DLG3: variants seen among roughly 807,000 people sequenced by gnomAD.
DLG3 encodes the protein disks large homolog 3.
In DLG3, 1 loss-of-function variant was observed where a neutral mutation model predicts 64.1. The observed-to-expected ratio is 0.02, with a 90% confidence interval of 0.01 to 0.07. The LOEUF (loss-of-function observed/expected upper bound fraction) is 0.07. Among genes scored for constraint, DLG3 ranks in the 10% least tolerant of loss-of-function variants. The probability of loss-of-function intolerance (pLI) is 1.00; values close to 1 mark genes in which losing one functional copy is unlikely to be tolerated. For missense variants in DLG3, 429 were observed against 669.5 expected, an observed-to-expected ratio of 0.64 and a Z score of 3.96; for synonymous variants, 245 against 259.8, an observed-to-expected ratio of 0.94 and a Z score of 0.55.
intron 9 of DLG3, among the ~76,000 whole-genome samples, chrX:70,470,858 A>G (rs984308050): frequency 1.8e-5 from 2 of 111,810 alleles, no homozygotes; most frequent in South Asian, 7.4e-4. Context: ...GTGTGTGTCC[A>G]GTTCGCAATA....
intron 10 of DLG3, among the ~76,000 whole-genome samples, chrX:70,491,439 A>G (rs891909109): frequency 3.5e-5 from 4 of 112,698 alleles, no homozygotes; most frequent in African/African-American, 1.3e-4. Context: ...CATCATTTAT[A>G]GCATGTCACA....
At chrX:70,475,983 T>C (rs1363833243) in intron 9 of DLG3, among the ~76,000 whole-genome samples, 1 of 112,078 alleles carries the variant, frequency 8.9e-6, no homozygotes, top group Non-Finnish European at 1.9e-5. Context: ...TTTATCAGAA[T>C]CACACTGATG....
In DLG3 at chrX:70,452,034, C is replaced by T. The variant is rs755784008; in HGVS notation, c.1145+8C>T. ...TGAGGAGGACTTCACCAGGTAAGAC[C>T]CCGCCCCCAACATCCCATTCAATCT... On this transcript the variant is annotated splice_region_variant and intron_variant, in intron 7 of 18. Coordinates refer to ENST00000374360, the MANE Select transcript of DLG3 (RefSeq NM_021120.4). The T allele has an allele frequency of 1.7e-6, 2 of 1,209,981 alleles. No individual in the cohort carries two copies. Among genetic ancestry groups the T allele is most frequent in the Admixed American group, 4.3e-5 (2 of 45,992 alleles).
chrX:70,445,699 G>A (rs2086559439), intron 1 of DLG3, 141 bp downstream of exon 1: 1 of 561,227 alleles, frequency 1.8e-6, no homozygotes, highest in African/African-American at 2.3e-5. Context: ...TGGGCAAAGA[G>A]AGGCGGTGGG....
intron 9 of DLG3, among the ~76,000 whole-genome samples, chrX:70,462,309 G>A (rs2086820618): frequency 2.1e-5 from 2 of 93,387 alleles, no homozygotes; most frequent in Non-Finnish European, 4.1e-5. Flanking sequence ...GAGTGCAGTG[G>A]CATGATCTCG....
chrX:70,462,552 C>A lies in DLG3; in HGVS notation c.1405+8236C>A, dbSNP rs1226331527. 3.6e-5 allele frequency among the ~76,000 whole-genome samples: 4 copies of A among 111,815 alleles called. No individual in the cohort carries two copies. In the East Asian group the frequency reaches 1.1e-3, roughly 31 times the overall value. The stretch of plus-strand genomic sequence containing the variant: ...GGATTACAGGCGCGAGCCACCATAC[C>A]CGGCCACTTGATTACTTTTTATGGC... On this transcript the variant is annotated intron_variant, in intron 9 of 18. Coordinates refer to ENST00000374360, the MANE Select transcript of DLG3 (RefSeq NM_021120.4).
In DLG3 at chrX:70,497,204, A is replaced by G. The variant is rs1379323936; in HGVS notation, c.1820-1316A>G. ...GAGGGAGTGACATCCAACACCAGTG[A>G]CAGCGAAAGCAGTTCCAGTAAGTGT... On this transcript the variant is annotated intron_variant, in intron 13 of 18. Coordinates refer to ENST00000374360, the MANE Select transcript of DLG3 (RefSeq NM_021120.4). 3.3e-6 allele frequency: 4 copies of G among 1,211,572 alleles called. No homozygotes were observed. The Admixed American group carries it at 6.5e-5, about 20-fold the overall frequency.
chrX:70,494,848 C>T (rs762702343), intron 12 of DLG3, among the ~76,000 whole-genome samples: 4 of 112,658 alleles, frequency 3.6e-5, no homozygotes, highest in Non-Finnish European at 7.5e-5. Flanking sequence ...CTACACCATG[C>T]GAAACTTTTC....
intron 10 of DLG3, among the ~76,000 whole-genome samples, chrX:70,485,848 C>A (rs2087245482): frequency 8.9e-6 from 1 of 111,780 alleles, no homozygotes; most frequent in Non-Finnish European, 1.9e-5. Context: ...GAGGACCCAG[C>A]TGAAAGGAAG....
intron 13 of DLG3, among the ~76,000 whole-genome samples, chrX:70,497,545 T>G (rs1411906273): frequency 8.9e-6 from 1 of 112,221 alleles, no homozygotes; most frequent in Non-Finnish European, 1.9e-5. Flanking sequence ...GGTTTATAGA[T>G]TTGCTCAGAG....
intron 12 of DLG3, among the ~76,000 whole-genome samples, chrX:70,495,037 T>A (rs1428772218): frequency 8.9e-6 from 1 of 111,770 alleles, no homozygotes; most frequent in African/African-American, 3.3e-5. Context: ...TCAAAGCAGG[T>A]GCTCTAAGCC....
At chrX:70,449,147 C>T (rs2086594005) in intron 2 of DLG3, among the ~76,000 whole-genome samples, 184 bp downstream of exon 2, 2 of 111,392 alleles carry the variant, frequency 1.8e-5, no homozygotes, top group Admixed American at 9.5e-5. Flanking sequence ...TATTAATTGA[C>T]CTTGCTCACT....
At position 70,454,427 on chromosome X, in the gene DLG3, T is replaced by C. The variant is rs1202754847; in HGVS notation, c.1405+111T>C. 1.1e-5 allele frequency: 7 copies of C among 640,657 alleles called. No individual in the cohort carries two copies. The East Asian group carries it at 1.8e-4, about 16-fold the overall frequency. The allele number at this position is 640,657 out of a possible 1,213,427, so 52.8% of individuals were successfully genotyped here. A position where few individuals can be genotyped will look rare whatever the true frequency, so the allele number is the denominator to read the frequency against. On this transcript the variant is annotated intron_variant, in intron 9 of 18. Coordinates refer to ENST00000374360, the MANE Select transcript of DLG3 (RefSeq NM_021120.4). Reference sequence around the variant, plus strand: ...GCCACTTGACCAGGTCCCTTCTACCTAGAGCAGTAACCTCTTCCTCTCTCC... The same window carrying C: ...GCCACTTGACCAGGTCCCTTCTACCCAGAGCAGTAACCTCTTCCTCTCTCC...
At chrX:70,479,602 C>T (rs1235769557) in intron 10 of DLG3, among the ~76,000 whole-genome samples, 3 of 111,514 alleles carry the variant, frequency 2.7e-5, no homozygotes, top group Non-Finnish European at 5.6e-5. Context: ...GGGAAACTTG[C>T]CACCCCCCCA....
chrX:70,481,783 A>G (rs752373964), intron 10 of DLG3, among the ~76,000 whole-genome samples: 21 of 111,581 alleles, frequency 1.9e-4, no homozygotes, highest in Non-Finnish European at 3.4e-4. Context: ...TGACCTCTTC[A>G]CCACATTTGT....
At chrX:70,473,998 A>C (rs1234192653) in intron 9 of DLG3, among the ~76,000 whole-genome samples, 2 of 111,965 alleles carry the variant, frequency 1.8e-5, no homozygotes, top group African/African-American at 6.5e-5. Flanking sequence ...CAGGGGAGAA[A>C]TGTTTCAGGA....
chrX:70,492,096 G>C lies in DLG3; in HGVS notation c.1521-11G>C. 8.5e-7 allele frequency: 1 copy of C among 1,171,569 alleles called. No individual in the cohort carries two copies. Among genetic ancestry groups the C allele is most frequent in the Non-Finnish European group, 1.1e-6 (1 of 875,380 alleles). The stretch of plus-strand genomic sequence containing the variant: ...TTGGATGATCACTTCATCTTTCACT[G>C]TGCCTTTCAGGGCCCTGTTTGATTA... On this transcript the variant is annotated splice_polypyrimidine_tract_variant and intron_variant, in intron 10 of 18. Transcript: ENST00000374360.
chrX:70,457,126 G>A (rs1385409472), intron 9 of DLG3, among the ~76,000 whole-genome samples: 1 of 111,981 alleles, frequency 8.9e-6, no homozygotes, highest in Non-Finnish European at 1.9e-5. Flanking sequence ...ACTTGTCTAA[G>A]AAGGGAAAGT....
At position 70,499,294 on chromosome X, in the gene DLG3, GCC is replaced by G. The variant is rs1168451801; in HGVS notation, c.1972+19_1972+20del. On this transcript the variant is annotated intron_variant, in intron 15 of 18. Coordinates refer to ENST00000374360, the MANE Select transcript of DLG3 (RefSeq NM_021120.4). ...GTGTGCCACGTAAGAGTCCAGGAAG[GCC>G]CAGAGGAGTGAGGCTTGGTGCCCTG... 3 of 1,112,101 alleles carry G rather than the reference GCC, an allele frequency of 2.7e-6. No homozygotes were observed. Among genetic ancestry groups the G allele is most frequent in the Non-Finnish European group, 3.7e-6 (3 of 806,277 alleles). 91.6% of individuals were successfully genotyped at this position (1,112,101 alleles called of 1,213,427 possible).
Sources: allele counts gnomAD v4.1 joint callset (sites outside exome capture counted in the v4.1 genomes callset), GRCh38; gene constraint gnomAD v4.1.1; transcripts MANE v1.5; gene names NCBI Gene and HGNC (gene_info 2026-07-23, HGNC 2026-07-21).